Variants in SPACA7 observed in about 807,000 individuals in gnomAD.
SPACA7 encodes the protein sperm acrosome associated 7.
In SPACA7, 19 loss-of-function variants were observed where a neutral mutation model predicts 26.3. The observed-to-expected ratio is 0.72, with a 90% confidence interval of 0.50 to 1.06. The LOEUF (loss-of-function observed/expected upper bound fraction) is 1.06, where lower values mean the gene tolerates loss of function less well. SPACA7 is among the 50% of genes least tolerant of loss of function. The pLI, the probability that SPACA7 is intolerant of heterozygous loss-of-function variation, is 0.00. For missense variants in SPACA7, 211 were observed against 229.9 expected (o/e 0.92, Z 0.53); for synonymous variants, 84 against 84.5 (o/e 0.99, Z 0.04).
Position 112,397,990 on chromosome 13 carries a change from G to A in SPACA7, c.152-59G>A, listed in dbSNP as rs868053049. ...GTGTACAGATGGCCTTAGGGGACAG[G>A]AGCCAAGGGCCAGCCCTGCAGGGCC... is the stretch of plus-strand genomic sequence containing the variant. On this transcript the variant is annotated intron_variant, in intron 2 of 6. Transcript: ENST00000283550. 4 of 1,137,104 alleles carry A rather than the reference G, an allele frequency of 3.5e-6. No individual in the cohort carries two copies. The Middle Eastern group carries it at 5.9e-4, about 167-fold the overall frequency. 70.4% of individuals were successfully genotyped at this position (1,137,104 alleles called of 1,614,324 possible). A position where few individuals can be genotyped will look rare whatever the true frequency, so the allele number is the denominator to read the frequency against.
intron 5 of SPACA7, among the ~76,000 whole-genome samples, chr13:112,416,555 G>T (rs945379065): frequency 6.6e-6 from 1 of 152,144 alleles, no homozygotes; most frequent in African/African-American, 2.4e-5. Context: ...TCAAAGTGCT[G>T]GGATTACAGG....
intron 5 of SPACA7, among the ~76,000 whole-genome samples, chr13:112,403,634 C>T (rs1189949029): frequency 1.3e-5 from 2 of 152,176 alleles, no homozygotes; most frequent in Non-Finnish European, 2.9e-5. Flanking sequence ...CCTTTCCATC[C>T]TCATAGCTTA....
intron 2 of SPACA7, among the ~76,000 whole-genome samples, chr13:112,393,681 T>C (rs1039941988): frequency 6.6e-6 from 1 of 152,262 alleles, no homozygotes; most frequent in African/African-American, 2.4e-5. Flanking sequence ...GGCCGTCCAA[T>C]AGAAACACAG....
At chr13:112,377,110 G>A (rs1454283574) in intron 1 of SPACA7, among the ~76,000 whole-genome samples, 1 of 152,202 alleles carries the variant, frequency 6.6e-6, no homozygotes, top group Non-Finnish European at 1.5e-5. Flanking sequence ...TGCAGCCAAG[G>A]ATCAGGGTGG....
chr13:112,430,782 G>A (rs1030228259), intron 5 of SPACA7, among the ~76,000 whole-genome samples: 6 of 152,224 alleles, frequency 3.9e-5, no homozygotes, highest in African/African-American at 1.4e-4. Context: ...GGAAATGTTA[G>A]CATCATATAC....
At chr13:112,400,058 AT>A (rs1885536637) in intron 4 of SPACA7, among the ~76,000 whole-genome samples, 1 of 152,162 alleles carries the variant, frequency 6.6e-6, no homozygotes. Context: ...ACATTTAGAC[AT>A]GAGATTTGGT....
chr13:112,434,418 C>T, intron 6 of SPACA7, 67 bp from the exon 7 acceptor site: 1 of 1,369,186 alleles, frequency 7.3e-7, no homozygotes, highest in Non-Finnish European at 1.0e-6. Context: ...GTCCCTCGAT[C>T]CTGCCAGTGC....
intron 5 of SPACA7, among the ~76,000 whole-genome samples, chr13:112,424,828 T>TA (rs1876368419): frequency 1.3e-5 from 2 of 152,124 alleles, no homozygotes; most frequent in Admixed American, 1.3e-4. Flanking sequence ...GCTGTCTCAG[T>TA]ACCTGCTGCT....
At chr13:112,413,583 C>T (rs1050046401) in intron 5 of SPACA7, among the ~76,000 whole-genome samples, 1 of 151,972 alleles carries the variant, frequency 6.6e-6, no homozygotes, top group Non-Finnish European at 1.5e-5. Flanking sequence ...GTTGAATATT[C>T]CTGGTGATCT....
intron 1 of SPACA7, among the ~76,000 whole-genome samples, chr13:112,387,149 C>A (rs1411217532): frequency 2.0e-5 from 3 of 152,206 alleles, no homozygotes; most frequent in Admixed American, 6.5e-5. Flanking sequence ...TCTAGAGAAC[C>A]AGTTTCAAGC....
At chr13:112,417,869 A>G (rs1886791566) in intron 5 of SPACA7, among the ~76,000 whole-genome samples, 1 of 152,178 alleles carries the variant, frequency 6.6e-6, no homozygotes, top group East Asian at 1.9e-4. Context: ...ATTCTTCACT[A>G]TAACTTTTAA....
chr13:112,391,540 G>A (rs1456325543), intron 1 of SPACA7, among the ~76,000 whole-genome samples: 3 of 152,172 alleles, frequency 2.0e-5, no homozygotes, highest in African/African-American at 4.8e-5. Context: ...TGTAAATATC[G>A]AGAAAGAGCA....
At chr13:112,382,249 G>GTTGTT (rs772561501) in intron 1 of SPACA7, 82 of 563,306 alleles carry the variant, frequency 1.5e-4, no homozygotes, top group Admixed American at 1.3e-3. Flanking sequence ...AATCTTTTTT[G>GTTGTT]TTGTTTTGTT....
At chr13:112,383,612 G>A (rs1884348629) in intron 1 of SPACA7, among the ~76,000 whole-genome samples, 1 of 152,168 alleles carries the variant, frequency 6.6e-6, no homozygotes, top group African/African-American at 2.4e-5. Context: ...TATGAGTTGA[G>A]CAAATTCCTC....
At chr13:112,381,494 CA>C (rs35147413) in intron 1 of SPACA7, among the ~76,000 whole-genome samples, 683 of 44,020 alleles carry the variant, frequency 0.016, 4 homozygotes, top group South Asian at 0.031. Flanking sequence ...CCCTGTCCCC[CA>C]AAAAAAAAAA....
intron 1 of SPACA7, 62 bp from the exon 2 acceptor site, chr13:112,392,957 TAA>T: frequency 6.8e-7 from 1 of 1,466,770 alleles, no homozygotes; most frequent in Non-Finnish European, 9.4e-7. Context: ...CATATCCATT[TAA>T]AGAGAAAAAT....
At position 112,400,736 on chromosome 13, in the gene SPACA7, T is replaced by G. The variant is rs1258095398; in HGVS notation, c.350-333T>G. Among the ~76,000 whole-genome samples, 6 of 152,238 alleles carry G rather than the reference T, an allele frequency of 3.9e-5. No homozygotes were observed. The East Asian group carries it at 1.2e-3, about 29-fold the overall frequency. On this transcript the variant is annotated intron_variant, in intron 4 of 6. Transcript: ENST00000283550. The stretch of plus-strand genomic sequence containing the variant: ...ATTATTTTTTGTATGTATCTTTCCA[T>G]TGTTTGCAATATTTTGCCATTTCAA...
At chr13:112,422,133 T>C (rs141026471) in intron 5 of SPACA7, among the ~76,000 whole-genome samples, 2,092 of 152,052 alleles carry the variant, frequency 0.014, 46 homozygotes, top group African/African-American at 0.048. Context: ...AAGAAGAAAA[T>C]TGAAGTGGCT....
chr13:112,402,032 A>G (rs887403858), intron 5 of SPACA7, among the ~76,000 whole-genome samples: 4 of 151,944 alleles, frequency 2.6e-5, no homozygotes, highest in African/African-American at 7.3e-5. Flanking sequence ...TTCTTTTTCC[A>G]TGTTTCCCTG....
Sources: gnomAD v4.1 joint callset for allele counts (sites outside exome capture counted in the v4.1 genomes callset) on GRCh38, gnomAD v4.1.1 for gene constraint, MANE v1.5 for transcripts, NCBI Gene and HGNC (gene_info 2026-07-23, HGNC 2026-07-21) for gene names.